Variants in ABHD17C observed in about 807,000 individuals in gnomAD.
ABHD17C encodes the protein alpha/beta hydrolase domain-containing protein 17C.
In ABHD17C, 11 loss-of-function variants were observed where a neutral mutation model predicts 27.9. The observed-to-expected ratio is 0.39, with a 90% CI of 0.25 to 0.65. ABHD17C has a LOEUF of 0.65. Ranked by LOEUF, ABHD17C falls within the 30% of genes least tolerant of loss-of-function variation. The pLI is 0.45. For missense variants in ABHD17C, 280 were observed against 470.2 expected (o/e 0.60, Z 3.74); for synonymous variants, 233 against 209.1 (o/e 1.11, Z -0.98).
In ABHD17C at chr15:80,754,469, A is replaced by G; in HGVS notation, c.*99A>G. 1 of 995,408 alleles carries G rather than the reference A, an allele frequency of 1.0e-6. No homozygotes were observed. The highest frequency in any genetic ancestry group is 1.5e-6 in the Non-Finnish European group (1 of 683,564). The allele number at this position is 995,408 out of a possible 1,614,324, so 61.7% of individuals were successfully genotyped here. A position where few individuals can be genotyped will look rare whatever the true frequency, so the allele number is the denominator to read the frequency against. On this transcript the variant is annotated 3_prime_UTR_variant, in exon 3 of 3. Transcript: ENST00000258884. ...AGCTGTAAAGGCTTGATAACCATGA[A>G]GAAGTGCCCAACCTTTAGGGTGTTC...
chr15:80,745,742 C>A (rs1408464351), intron 1 of ABHD17C, among the ~76,000 whole-genome samples: 1 of 152,182 alleles, frequency 6.6e-6, no homozygotes, highest in Non-Finnish European at 1.5e-5. Flanking sequence ...AAAGAACTTA[C>A]CCACGTAACC....
chr15:80,733,988 T>C (rs1567036634), intron 1 of ABHD17C, among the ~76,000 whole-genome samples: 1 of 151,048 alleles, frequency 6.6e-6, no homozygotes, highest in African/African-American at 2.4e-5. Flanking sequence ...TATTTATTTA[T>C]TTATTTATTT....
At chr15:80,734,334 G>A (rs1895097600) in intron 1 of ABHD17C, among the ~76,000 whole-genome samples, 1 of 152,176 alleles carries the variant, frequency 6.6e-6, no homozygotes, top group Non-Finnish European at 1.5e-5. Flanking sequence ...ATGCCCTGTG[G>A]AGGAGGTAGC....
chr15:80,732,093 C>T (rs867736091), intron 1 of ABHD17C, among the ~76,000 whole-genome samples: 1 of 152,174 alleles, frequency 6.6e-6, no homozygotes, highest in Non-Finnish European at 1.5e-5. Flanking sequence ...AATTGCTTTT[C>T]CCTGTGAGCT....
intron 1 of ABHD17C, 112 bp from the exon 2 acceptor site, chr15:80,749,401 G>A (rs1303405967): frequency 3.6e-6 from 4 of 1,117,838 alleles, no homozygotes; most frequent in Non-Finnish European, 5.1e-6. Flanking sequence ...AGATGATATG[G>A]TTTTAAGCTG....
chr15:80,708,028 C>T (rs918146116), intron 1 of ABHD17C, among the ~76,000 whole-genome samples: 4 of 152,180 alleles, frequency 2.6e-5, no homozygotes, highest in African/African-American at 9.7e-5. Context: ...CGGGACAGTC[C>T]TTCCACACCT....
At chr15:80,697,410 G>T (rs1002922270) in intron 1 of ABHD17C, among the ~76,000 whole-genome samples, 2 of 152,188 alleles carry the variant, frequency 1.3e-5, no homozygotes, top group African/African-American at 2.4e-5. Context: ...GTTGGCAAAG[G>T]TATTAAAAAT....
chr15:80,697,950 T>C (rs886576974), intron 1 of ABHD17C, among the ~76,000 whole-genome samples: 2 of 152,218 alleles, frequency 1.3e-5, no homozygotes, highest in Non-Finnish European at 2.9e-5. Flanking sequence ...CATTTTACGT[T>C]TTGATCAAGC....
chr15:80,705,336 TGTG>T (rs1894631797), intron 1 of ABHD17C, among the ~76,000 whole-genome samples: 1 of 120,992 alleles, frequency 8.3e-6, no homozygotes, highest in Non-Finnish European at 1.9e-5. Context: ...CTATGATTTG[TGTG>T]TGTGTGTGTG....
intron 1 of ABHD17C, among the ~76,000 whole-genome samples, chr15:80,713,382 T>TTTTTTTTA (rs1567032390): frequency 1.0e-5 from 1 of 95,964 alleles, no homozygotes; most frequent in Non-Finnish European, 2.5e-5. Flanking sequence ...TTTTTTTTTT[T>TTTTTTTTA]CAAAATCAGC....
chr15:80,749,466 C>T (rs1567039639), intron 1 of ABHD17C, 47 bp from the exon 2 acceptor site: 3 of 1,585,364 alleles, frequency 1.9e-6, no homozygotes, highest in Non-Finnish European at 2.6e-6. Flanking sequence ...CCCTTTCTCT[C>T]TTTCTTCATA....
intron 1 of ABHD17C, among the ~76,000 whole-genome samples, chr15:80,730,763 A>G (rs1011733526): frequency 2.6e-5 from 4 of 152,176 alleles, no homozygotes; most frequent in Admixed American, 2.6e-4. Context: ...TCTGCTATTT[A>G]TGCTGCTTTG....
At chr15:80,711,055 G>T (rs1189752661) in intron 1 of ABHD17C, among the ~76,000 whole-genome samples, 1 of 152,130 alleles carries the variant, frequency 6.6e-6, no homozygotes, top group Non-Finnish European at 1.5e-5. Context: ...AAATAAATTT[G>T]GGAATTCTCC....
rs988479100 is a variant in ABHD17C at position 80,713,625 on chromosome 15, T to C, written c.590+17606T>C. Among the ~76,000 whole-genome samples the C allele has an allele frequency of 5.3e-5, 8 of 151,894 alleles. No homozygotes were observed. In the South Asian group the frequency reaches 6.3e-4, roughly 12 times the overall value. On this transcript the variant is annotated intron_variant, in intron 1 of 2. Transcript: ENST00000258884. ...CAGTTCGAGACCAGCCTGGCCAACA[T>C]AGTGAAACTCCGTCTCTACTAAAAA... is the stretch of plus-strand genomic sequence containing the variant.
chr15:80,717,807 C>T (rs1402075170), intron 1 of ABHD17C, among the ~76,000 whole-genome samples: 1 of 152,176 alleles, frequency 6.6e-6, no homozygotes, highest in East Asian at 1.9e-4. Flanking sequence ...GCCGAACCTT[C>T]TCCCCTGGAC....
At chr15:80,742,915 G>A (rs1649383905) in intron 1 of ABHD17C, among the ~76,000 whole-genome samples, 1 of 147,540 alleles carries the variant, frequency 6.8e-6, no homozygotes, top group South Asian at 2.2e-4. Flanking sequence ...AGAAAAAGTG[G>A]TTGGGTTTGG....
At chr15:80,710,330 T>C (rs1042724545) in intron 1 of ABHD17C, among the ~76,000 whole-genome samples, 5 of 152,080 alleles carry the variant, frequency 3.3e-5, no homozygotes, top group Non-Finnish European at 7.4e-5. Context: ...AGGGCATTAG[T>C]CACATAGGGC....
At chr15:80,753,564 C>CA (rs1895392322) in intron 2 of ABHD17C, among the ~76,000 whole-genome samples, 1 of 151,956 alleles carries the variant, frequency 6.6e-6, no homozygotes, top group Admixed American at 6.6e-5. Context: ...TTTCTTGAGA[C>CA]AGAGTCTCAC....
At chr15:80,745,482 C>T (rs1267689248) in intron 1 of ABHD17C, among the ~76,000 whole-genome samples, 1 of 152,052 alleles carries the variant, frequency 6.6e-6, no homozygotes, top group African/African-American at 2.4e-5. Context: ...GATCCTCCCA[C>T]CTCAGCCTCC....
Sources: gnomAD v4.1 joint callset for allele counts (sites outside exome capture counted in the v4.1 genomes callset) on GRCh38, gnomAD v4.1.1 for gene constraint, MANE v1.5 for transcripts, NCBI Gene and HGNC (gene_info 2026-07-23, HGNC 2026-07-21) for gene names.